The following SIRPD variants were observed in gnomAD, a reference collection of about 807,000 sequenced individuals.
The protein encoded by SIRPD is signal regulatory protein delta.
In SIRPD, 21 loss-of-function variants were observed where a neutral mutation model predicts 18.0. That is an observed-to-expected ratio of 1.17 (90% CI 0.83 to 1.68). The LOEUF (loss-of-function observed/expected upper bound fraction) is 1.68, where lower values mean the gene tolerates loss of function less well. SIRPD is among the 40% of genes most tolerant of loss of function. The probability of loss-of-function intolerance (pLI) is 0.00; values close to 1 mark genes in which losing one functional copy is unlikely to be tolerated. For synonymous variants in SIRPD, 106 were observed against 92.9 expected (o/e 1.14, Z -0.81); for missense variants, 295 against 238.4 (o/e 1.24, Z -1.56).
At position 1,557,616 on chromosome 20, in the gene SIRPD, G is replaced by T; in HGVS notation, c.38C>A (p.Pro13His). Residue 13 changes from proline to histidine, a missense_variant, in exon 1 of 4, where the codon CCT (proline) becomes CAT (histidine). Coordinates refer to ENST00000381623, the MANE Select transcript of SIRPD (RefSeq NM_178460.3). ...IPASPLHPPL[P>H]SLLLYLLLEL... ...AAGCAGCAGATACAGCAGTAAGGAA[G>T]GCAGAGGTGGGTGGAGTGGGGAGGC... is the stretch of plus-strand genomic sequence containing the variant. 6.2e-7 allele frequency: 1 copy of T among 1,604,008 alleles called. No individual in the cohort carries two copies. The highest frequency in any genetic ancestry group is 8.5e-7 in the Non-Finnish European group (1 of 1,175,092).
At chr20:1,546,808 T>A (rs1865402963) in intron 2 of SIRPD, among the ~76,000 whole-genome samples, 1 of 152,236 alleles carries the variant, frequency 6.6e-6, no homozygotes, top group South Asian at 2.1e-4. Flanking sequence ...TTCATTATAG[T>A]TTTGATTTGC....
At chr20:1,541,393 G>C (rs1054788382) in intron 2 of SIRPD, among the ~76,000 whole-genome samples, 2 of 152,242 alleles carry the variant, frequency 1.3e-5, no homozygotes. Context: ...GACCAGTGAT[G>C]ATGAGCTGTT....
At chr20:1,554,151 G>T (rs2091030110) in intron 1 of SIRPD, 1 of 152,646 alleles carries the variant, frequency 6.6e-6, no homozygotes, top group Non-Finnish European at 1.5e-5. Context: ...ATTAATTGTT[G>T]TCCTGGCCCA....
chr20:1,555,350 A>G (rs2091035866), intron 1 of SIRPD, among the ~76,000 whole-genome samples: 1 of 152,232 alleles, frequency 6.6e-6, no homozygotes, highest in South Asian at 2.1e-4. Flanking sequence ...AGAGTTGGAC[A>G]AGGAAATGGG....
At chr20:1,552,273 C>T (rs989128454) in intron 1 of SIRPD, among the ~76,000 whole-genome samples, 4 of 152,224 alleles carry the variant, frequency 2.6e-5, no homozygotes, top group Non-Finnish European at 4.4e-5. Flanking sequence ...AGCCCTCAAC[C>T]GTGGTAAGAG....
intron 3 of SIRPD, 26 bp downstream of exon 3, chr20:1,537,129 T>C: frequency 6.2e-7 from 1 of 1,609,214 alleles, no homozygotes; most frequent in Non-Finnish European, 8.5e-7. Flanking sequence ...CCCTGCATCA[T>C]GGTACCTGAG....
rs145537859 is a variant in SIRPD, at chr20:1,557,622, G to C, written c.32C>G (p.Pro11Arg). 3.9e-5 allele frequency: 63 copies of C among 1,606,910 alleles called. No individual in the cohort carries two copies. The highest frequency in any genetic ancestry group is 5.0e-5 in the Non-Finnish European group (59 of 1,176,556). The change falls in exon 1 of 4, where the codon CCT (proline) becomes CGT (arginine). Residue 11 changes from proline to arginine, a missense_variant. Coordinates refer to ENST00000381623, the MANE Select transcript of SIRPD (RefSeq NM_178460.3). ...CAGATACAGCAGTAAGGAAGGCAGAGGTGGGTGGAGTGGGGAGGCAGGGAT... is the reference window on the plus strand; with the variant it reads ...CAGATACAGCAGTAAGGAAGGCAGACGTGGGTGGAGTGGGGAGGCAGGGAT... Reference protein sequence around the residue: MPIPASPLHPPLPSLLLYLLL... With the variant: MPIPASPLHPRLPSLLLYLLL...
In SIRPD at chr20:1,543,829, G is replaced by A. The variant is rs188776286; in HGVS notation, c.422-6519C>T. The stretch of plus-strand genomic sequence containing the variant: ...TGTAAATTGTGTCTTTGTTCTCATT[G>A]GTTTCAAAAACTTATTTATTTCTGC... On this transcript the variant is annotated intron_variant, in intron 2 of 3. Transcript: ENST00000381623. 6.5e-3 allele frequency among the ~76,000 whole-genome samples: 990 copies of A among 152,174 alleles called. 5 individuals carry two copies. Among genetic ancestry groups the A allele is most frequent in the Non-Finnish European group, 0.012 (783 of 68,002 alleles).
rs1300170881 is a variant in SIRPD at position 1,537,151 on chromosome 20, T to A, written c.577+4A>T. Reference sequence around the variant, plus strand: ...TCATGGTACCTGAGGGTGGGGGCACTCACCTGTGAGTCCCAGCAGCCGGAG... The same window carrying A: ...TCATGGTACCTGAGGGTGGGGGCACACACCTGTGAGTCCCAGCAGCCGGAG... On this transcript the variant is annotated splice_donor_region_variant and intron_variant, in intron 3 of 3. Transcript: ENST00000381623. 6.2e-7 allele frequency: 1 copy of A among 1,613,346 alleles called. No homozygotes were observed. The highest frequency in any genetic ancestry group is 2.2e-5 in the East Asian group (1 of 44,886).
At chr20:1,538,516 A>G (rs369297960) in intron 2 of SIRPD, among the ~76,000 whole-genome samples, 7 of 152,162 alleles carry the variant, frequency 4.6e-5, no homozygotes, top group East Asian at 1.9e-4. Context: ...ATGTAGGCAT[A>G]TGTTCCCTCC....
At chr20:1,551,000 G>C (rs749859360) in intron 2 of SIRPD, among the ~76,000 whole-genome samples, 2 of 152,210 alleles carry the variant, frequency 1.3e-5, no homozygotes, top group Non-Finnish European at 2.9e-5. Context: ...ACATAGATTT[G>C]TACTTGCAGT....
chr20:1,553,784 A>G (rs1226161094), intron 1 of SIRPD, among the ~76,000 whole-genome samples: 1 of 152,190 alleles, frequency 6.6e-6, no homozygotes, highest in African/African-American at 2.4e-5. Context: ...GTTGTCCAGA[A>G]TGGCTTACTA....
At chr20:1,557,390 A>G (rs764341016) in intron 1 of SIRPD, among the ~76,000 whole-genome samples, 191 bp downstream of exon 1, 2 of 152,176 alleles carry the variant, frequency 1.3e-5, no homozygotes, top group African/African-American at 2.4e-5. Flanking sequence ...GAGATTTGCA[A>G]CAGACATGGC....
intron 2 of SIRPD, among the ~76,000 whole-genome samples, chr20:1,550,501 G>A (rs1233201258): frequency 1.3e-5 from 2 of 152,148 alleles, no homozygotes; most frequent in Non-Finnish European, 2.9e-5. Flanking sequence ...AGAGATGAGA[G>A]AATTTCAGAG....
intron 2 of SIRPD, among the ~76,000 whole-genome samples, chr20:1,547,947 G>A (rs1450954177): frequency 1.3e-5 from 2 of 152,168 alleles, no homozygotes; most frequent in Non-Finnish European, 2.9e-5. Flanking sequence ...TCTCAAGCTT[G>A]CTGAACTTGC....
intron 2 of SIRPD, among the ~76,000 whole-genome samples, chr20:1,538,312 C>T (rs1027884346): frequency 3.3e-5 from 5 of 152,154 alleles, no homozygotes; most frequent in African/African-American, 7.2e-5. Flanking sequence ...CCTCTCCCCT[C>T]GACACCTTAT....
At chr20:1,538,606 C>T (rs1427848208) in intron 2 of SIRPD, among the ~76,000 whole-genome samples, 2 of 152,190 alleles carry the variant, frequency 1.3e-5, no homozygotes, top group African/African-American at 4.8e-5. Flanking sequence ...TAATTCCCTG[C>T]ATTTCTACCT....
chr20:1,548,481 T>A (rs546328005), intron 2 of SIRPD, among the ~76,000 whole-genome samples: 3 of 152,178 alleles, frequency 2.0e-5, no homozygotes, highest in Non-Finnish European at 4.4e-5. Flanking sequence ...ACATGAATAA[T>A]GCTTTCTATA....
chr20:1,537,221 G>A lies in SIRPD; in HGVS notation c.511C>T (p.Pro171Ser), dbSNP rs2123114260. The A allele has an allele frequency of 1.2e-6, 2 of 1,614,162 alleles. No individual in the cohort carries two copies. Among genetic ancestry groups the A allele is most frequent in the East Asian group, 2.2e-5 (1 of 44,862 alleles). ...AAATAGTTTGTGCTGTTTCTCTCAG[G>A]CAGGGCCGAGAGGCAGGTATGGGCA... The part of the protein sequence containing the change: ...HDAHTCLSAL[P>S]ERNSTNYFVQ... The change falls in exon 3 of 4, where the codon CCT becomes TCT. Residue 171 changes from proline (P) to serine (S), a missense_variant. Pro to Ser is a moderately conservative substitution (Grantham distance 74). Coordinates refer to ENST00000381623, the MANE Select transcript of SIRPD (RefSeq NM_178460.3).
Sources: allele counts gnomAD v4.1 joint callset (sites outside exome capture counted in the v4.1 genomes callset), GRCh38; gene constraint gnomAD v4.1.1; transcripts MANE v1.5; gene names NCBI Gene and HGNC (gene_info 2026-07-23, HGNC 2026-07-21).